CDH18: variants seen among roughly 807,000 people sequenced by gnomAD.
CDH18 encodes cadherin-18.
Under a neutral mutation model 67.9 loss-of-function variants are expected in CDH18, and 31 were observed. The observed-to-expected ratio is 0.46, with a 90% CI of 0.34 to 0.62. The LOEUF (loss-of-function observed/expected upper bound fraction) is 0.62, where lower values mean the gene tolerates loss of function less well. Among genes scored for constraint, CDH18 ranks in the 20% least tolerant of loss-of-function variants. The pLI is 0.01. For synonymous variants in CDH18, 362 were observed against 347.2 expected (o/e 1.04, Z -0.48); for missense variants, 890 against 975.5 (o/e 0.91, Z 1.17).
intron 3 of CDH18, among the ~76,000 whole-genome samples, chr5:19,751,194 C>T (rs1294474909): frequency 1.3e-5 from 2 of 152,042 alleles, no homozygotes; most frequent in Non-Finnish European, 2.9e-5. Context: ...AGGATCAGGA[C>T]CTGAAAATTT....
At chr5:19,987,200 T>C (rs1799651030) in intron 1 of CDH18, among the ~76,000 whole-genome samples, 1 of 152,024 alleles carries the variant, frequency 6.6e-6, no homozygotes, top group Non-Finnish European at 1.5e-5. Flanking sequence ...TAAAATTCTA[T>C]TTTTTCACCT....
intron 1 of CDH18, among the ~76,000 whole-genome samples, chr5:20,440,388 CAT>C (rs1232925849): frequency 1.3e-5 from 2 of 151,940 alleles, no homozygotes; most frequent in East Asian, 1.9e-4. Flanking sequence ...GCAATCAACA[CAT>C]GTGAGGTTAT....
intron 1 of CDH18, among the ~76,000 whole-genome samples, chr5:20,501,783 G>A (rs1422628856): frequency 7.2e-6 from 1 of 139,174 alleles, no homozygotes; most frequent in Non-Finnish European, 1.5e-5. Context: ...AATAAGTATA[G>A]CCCAAGTGTA....
At chr5:19,620,636 A>G (rs1012114020) in intron 5 of CDH18, among the ~76,000 whole-genome samples, 5 of 152,184 alleles carry the variant, frequency 3.3e-5, no homozygotes, top group Non-Finnish European at 7.4e-5. Context: ...TTGAAAATAT[A>G]CATCAGGCAG....
intron 1 of CDH18, among the ~76,000 whole-genome samples, chr5:20,286,732 A>G (rs34518112): frequency 0.28 from 42,772 of 151,422 alleles, 7,083 homozygotes; most frequent in South Asian, 0.39. Context: ...GCAAACTTAT[A>G]AAGTATTTCT....
chr5:20,068,478 G>T (rs1743173914), intron 2 of CDH18, among the ~76,000 whole-genome samples: 2 of 152,060 alleles, frequency 1.3e-5, no homozygotes, highest in African/African-American at 4.8e-5. Context: ...GGGTATATGG[G>T]AGTAGGGTTT....
intron 2 of CDH18, among the ~76,000 whole-genome samples, chr5:20,045,684 T>C (rs1580115016): frequency 1.3e-5 from 2 of 151,892 alleles, no homozygotes; most frequent in South Asian, 2.1e-4. Flanking sequence ...CTGGGATTGG[T>C]ATTGTTTTGG....
chr5:20,042,966 AAATTAATT>A (rs36074065), intron 2 of CDH18, among the ~76,000 whole-genome samples: 1 of 151,486 alleles, frequency 6.6e-6, no homozygotes, highest in Non-Finnish European at 1.5e-5. Context: ...CGTCTCAAAA[AAATTAATT>A]AATTAATTAA....
intron 1 of CDH18, among the ~76,000 whole-genome samples, chr5:20,285,236 T>G (rs1420742871): frequency 1.3e-5 from 2 of 151,326 alleles, no homozygotes; most frequent in African/African-American, 4.8e-5. Flanking sequence ...TCAGATTTTC[T>G]GGTTATAACA....
At chr5:19,689,360 T>C (rs1037974863) in intron 5 of CDH18, among the ~76,000 whole-genome samples, 2 of 152,006 alleles carry the variant, frequency 1.3e-5, no homozygotes, top group East Asian at 3.9e-4. Context: ...CAGGAGAGTA[T>C]AGGATGATAT....
At chr5:20,174,551 T>G (rs1051971253) in intron 2 of CDH18, among the ~76,000 whole-genome samples, 2 of 152,172 alleles carry the variant, frequency 1.3e-5, no homozygotes, top group African/African-American at 4.8e-5. Flanking sequence ...TCACCTTTTT[T>G]GGGGACAACA....
chr5:20,177,285 T>C (rs919813614), intron 2 of CDH18, among the ~76,000 whole-genome samples: 1 of 152,078 alleles, frequency 6.6e-6, no homozygotes, highest in Non-Finnish European at 1.5e-5. Flanking sequence ...ACACTGGGCA[T>C]AATATAGATA....
chr5:20,203,587 G>GAGAGAC (rs1489627399), intron 2 of CDH18, among the ~76,000 whole-genome samples: 3 of 151,236 alleles, frequency 2.0e-5, no homozygotes, highest in Non-Finnish European at 4.4e-5. Flanking sequence ...GGAAAAGAGA[G>GAGAGAC]AGAGAGAGAG....
At chr5:19,907,213 A>C (rs545886695) in intron 2 of CDH18, among the ~76,000 whole-genome samples, 1 of 152,012 alleles carries the variant, frequency 6.6e-6, no homozygotes, top group Non-Finnish European at 1.5e-5. Flanking sequence ...AATGCTGTCT[A>C]TCAAACCCGT....
chr5:20,553,693 A>G (rs1757760232), intron 1 of CDH18, among the ~76,000 whole-genome samples: 1 of 152,174 alleles, frequency 6.6e-6, no homozygotes, highest in Non-Finnish European at 1.5e-5. Context: ...AGGGAAAACT[A>G]ATTAATTTAA....
intron 2 of CDH18, among the ~76,000 whole-genome samples, chr5:20,243,699 T>C (rs1045717920): frequency 1.1e-4 from 17 of 152,120 alleles, no homozygotes; most frequent in Non-Finnish European, 2.2e-4. Context: ...TTTATGATTA[T>C]ACAATTTAAT....
At chr5:20,318,631 G>C (rs1431522341) in intron 1 of CDH18, among the ~76,000 whole-genome samples, 3 of 152,082 alleles carry the variant, frequency 2.0e-5, no homozygotes, top group African/African-American at 4.8e-5. Flanking sequence ...AGAAGTGTCA[G>C]CTTCCCCTTC....
chr5:19,925,950 T>C (rs865827356), intron 2 of CDH18, among the ~76,000 whole-genome samples: 17 of 152,224 alleles, frequency 1.1e-4, no homozygotes, highest in African/African-American at 4.1e-4. Context: ...TTTTGATAAA[T>C]TTTAAGTTTT....
intron 2 of CDH18, among the ~76,000 whole-genome samples, chr5:20,016,301 A>T (rs974578410): frequency 1.3e-5 from 2 of 152,048 alleles, no homozygotes; most frequent in Non-Finnish European, 2.9e-5. Context: ...ACAGACACTG[A>T]GACCTTACTT....
Sources: allele counts gnomAD v4.1 joint callset (sites outside exome capture counted in the v4.1 genomes callset), GRCh38; gene constraint gnomAD v4.1.1; transcripts MANE v1.5; gene names NCBI Gene and HGNC (gene_info 2026-07-23, HGNC 2026-07-21).